Variants in SLC19A1 observed in about 807,000 individuals in gnomAD.
The protein encoded by SLC19A1 is reduced folate transporter.
Under a neutral mutation model 35.3 loss-of-function variants are expected in SLC19A1, and 37 were observed. That is an observed-to-expected ratio of 1.05 (90% CI 0.81 to 1.38). SLC19A1 has a LOEUF of 1.38. Among genes scored for constraint, SLC19A1 ranks in the 40% most tolerant of loss-of-function variants. SLC19A1 has a pLI of 0.00. For synonymous variants in SLC19A1, 460 were observed against 398.5 expected (o/e 1.15, Z -1.84); for missense variants, 831 against 826.9 (o/e 1.00, Z -0.06).
At chr21:45,531,298 A>T in intron 3 of SLC19A1, 91 bp downstream of exon 3, 1 of 1,149,850 alleles carries the variant, frequency 8.7e-7, no homozygotes, top group Non-Finnish European at 1.1e-6. Flanking sequence ...GGGGCGGGAG[A>T]GGGAGCCTCC....
At chr21:45,509,736 A>G, downstream of SLC19A1, 1 of 711,758 alleles carries the variant, frequency 1.4e-6, no homozygotes. Context: ...GCTCAGGGCC[A>G]CTCAGGGCGG....
intron 1 of SLC19A1, among the ~76,000 whole-genome samples, chr21:45,550,773 C>T (rs968488784): frequency 1.3e-5 from 2 of 152,182 alleles, no homozygotes; most frequent in East Asian, 3.9e-4. Context: ...CAGGGGCGTG[C>T]AGTCTGCAGA....
chr21:45,521,848 T>C (rs1292728284), intron 5 of SLC19A1, among the ~76,000 whole-genome samples: 1 of 152,180 alleles, frequency 6.6e-6, no homozygotes, highest in Non-Finnish European at 1.5e-5. Flanking sequence ...CTTCACATCT[T>C]ATACAAAAAT....
intron 3 of SLC19A1, chr21:45,507,084 G>A (rs1235645828): frequency 1.4e-5 from 5 of 352,240 alleles, no homozygotes; most frequent in East Asian, 5.9e-5. Flanking sequence ...GTGCTGGGCA[G>A]GGAGGGCAAC....
chr21:45,505,391 G>A, intron 3 of SLC19A1: 1 of 1,578,144 alleles, frequency 6.3e-7, no homozygotes, highest in Non-Finnish European at 8.7e-7. Flanking sequence ...GGCCCCCCTG[G>A]GCCCCCTGGG....
chr21:45,505,883 G>C (rs200427354), intron 3 of SLC19A1: 1 of 1,611,996 alleles, frequency 6.2e-7, no homozygotes, highest in South Asian at 1.1e-5. Flanking sequence ...CCAGGTGCAC[G>C]AGGTTCCCGA....
chr21:45,534,577 AGGAGCT>A lies in SLC19A1; in HGVS notation c.190-2435_190-2430del, dbSNP rs2078045460. 6.5e-7 allele frequency: 1 copy of A among 1,535,588 alleles called. No individual in the cohort carries two copies. The highest frequency in any genetic ancestry group is 1.4e-5 in the African/African-American group (1 of 73,050). On this transcript the variant is annotated intron_variant, in intron 2 of 5. Transcript: ENST00000311124. This position sits in a 1 kb window ranked among gnomAD's most constrained non-coding sequence, Gnocchi z 4.2. The stretch of plus-strand genomic sequence containing the variant: ...AGCATGCCTCATTTCCTCTTCCACC[AGGAGCT>A]GGCTCTGCAGGCTGGGGCCTCATCA...
intron 4 of SLC19A1, among the ~76,000 whole-genome samples, chr21:45,526,242 A>G (rs1602753402): frequency 6.6e-6 from 1 of 152,246 alleles, no homozygotes; most frequent in Non-Finnish European, 1.5e-5. Context: ...GCCTGGGGCC[A>G]GTAGTTTTGG....
At chr21:45,536,641 C>A in intron 2 of SLC19A1, 1 of 166,882 alleles carries the variant, frequency 6.0e-6, no homozygotes, top group Non-Finnish European at 1.3e-5. Flanking sequence ...TCCACTGTCC[C>A]AATAGCACAC....
chr21:45,505,677 G>C (rs2037157546), intron 3 of SLC19A1, among the ~76,000 whole-genome samples: 1 of 152,144 alleles, frequency 6.6e-6, no homozygotes, highest in Non-Finnish European at 1.5e-5. Flanking sequence ...CTGGCGGCAG[G>C]CAGGGGTCCC....
At chr21:45,505,699 TG>T in intron 3 of SLC19A1, 2 of 743,912 alleles carry the variant, frequency 2.7e-6, no homozygotes, top group Non-Finnish European at 4.6e-6. Flanking sequence ...ATGGTGCTCA[TG>T]GGGGCAGCCG....
chr21:45,503,064 A>G (rs1439154668), intron 3 of SLC19A1: 1 of 152,194 alleles, frequency 6.6e-6, no homozygotes, highest in Admixed American at 6.5e-5. Flanking sequence ...AGCATGATTT[A>G]TAGTCCTTTG....
Position 45,530,917 on chromosome 21 carries a change from G to A in SLC19A1, c.1004C>T (p.Ser335Phe). Residue 335 changes from serine (S) to phenylalanine (F), a missense_variant, in exon 4 of 6, where the codon TCC becomes TTC. Coordinates refer to ENST00000311124, the MANE Select transcript of SLC19A1 (RefSeq NM_194255.4). This position sits in a 1 kb window ranked among gnomAD's most constrained non-coding sequence, Gnocchi z 5.3. The stretch of plus-strand genomic sequence containing the variant: ...CGTGACGCCCGCGATGAGCAGCTTG[G>A]ACCAGCGCGCCCAGCGGATCTTCAC... ...GFVKIRWARWSKLLIAGVTAT... is the reference protein window; with the variant it reads ...GFVKIRWARWFKLLIAGVTAT... 2 of 1,469,954 alleles carry A rather than the reference G, an allele frequency of 1.4e-6. No individual in the cohort carries two copies. The highest frequency in any genetic ancestry group is 1.4e-5 in the South Asian group (1 of 71,832). The allele number at this position is 1,469,954 out of a possible 1,614,324, so 91.1% of individuals were successfully genotyped here. A position where few individuals can be genotyped will look rare whatever the true frequency, so the allele number is the denominator to read the frequency against.
At chr21:45,556,809 G>T (rs1420029645) in intron 1 of SLC19A1, among the ~76,000 whole-genome samples, 2 of 152,252 alleles carry the variant, frequency 1.3e-5, no homozygotes, top group African/African-American at 4.8e-5. Context: ...GAGAGAGGCG[G>T]GGTGGAGGGT....
At position 45,530,844 on chromosome 21, in the gene SLC19A1, C is replaced by T. The variant is rs147527796; in HGVS notation, c.1077G>A (p.Pro359=). Residue 359 remains proline, a synonymous_variant, in exon 4 of 6, where the codon CCG becomes CCA. Transcript: ENST00000311124. This position sits in a 1 kb window ranked among gnomAD's most constrained non-coding sequence, Gnocchi z 5.3. ...LVFLLAHTRH[P]SSIWLCYAAF... is the part of the protein sequence containing the mutation. The stretch of plus-strand genomic sequence containing the variant: ...CCGCATAGCACAGCCAGATGCTGCT[C>T]GGGTGGCGCGTGTGCGCCAGAAGGA... The T allele has an allele frequency of 2.7e-6, 4 of 1,509,156 alleles. No homozygotes were observed. The highest frequency in any genetic ancestry group is 2.5e-5 in the South Asian group (2 of 78,526). The allele number at this position is 1,509,156 out of a possible 1,614,324, so 93.5% of individuals were successfully genotyped here.
In SLC19A1 at chr21:45,515,228, C is replaced by G; in HGVS notation, c.*430G>C. ...AAGGATGACCAGCAATGTCACAGCT[C>G]AGCTACACCTGAGGGTCCCGGCTCC... On this transcript the variant is annotated 3_prime_UTR_variant, in exon 6 of 6. Coordinates refer to ENST00000311124, the MANE Select transcript of SLC19A1 (RefSeq NM_194255.4). The G allele has an allele frequency of 6.6e-7, 1 of 1,509,152 alleles. No homozygotes were observed. The highest frequency in any genetic ancestry group is 8.8e-7 in the Non-Finnish European group (1 of 1,139,086). 93.5% of individuals were successfully genotyped at this position (1,509,152 alleles called of 1,614,324 possible). A position where few individuals can be genotyped will look rare whatever the true frequency, so the allele number is the denominator to read the frequency against.
chr21:45,504,730 G>C (rs1461453730), intron 3 of SLC19A1, among the ~76,000 whole-genome samples: 2 of 152,026 alleles, frequency 1.3e-5, no homozygotes, highest in Non-Finnish European at 2.9e-5. Context: ...ACATGGGTGT[G>C]GGTGCACTGA....
intron 3 of SLC19A1, chr21:45,505,361 T>C: frequency 6.3e-7 from 1 of 1,593,670 alleles, no homozygotes; most frequent in Non-Finnish European, 8.6e-7. Context: ...CCTGCAGCTA[T>C]CAGCGTTCCC....
At chr21:45,547,068 T>C (rs972874972), upstream of SLC19A1, among the ~76,000 whole-genome samples, 1 of 152,258 alleles carries the variant, frequency 6.6e-6, no homozygotes, top group African/African-American at 2.4e-5. Flanking sequence ...ACAAAAGTAA[T>C]TGTACTTCTA....
Sources: allele counts gnomAD v4.1 joint callset (sites outside exome capture counted in the v4.1 genomes callset), GRCh38; gene constraint gnomAD v4.1.1; non-coding constraint Gnocchi (gnomAD v3.1); transcripts MANE v1.5; gene names NCBI Gene and HGNC (gene_info 2026-07-23, HGNC 2026-07-21).